MSRA: variants seen among roughly 807,000 people sequenced by gnomAD.
MSRA encodes the protein methionine sulfoxide reductase A, also known as mitochondrial peptide methionine sulfoxide reductase.
A neutral mutation model predicts 31.3 loss-of-function variants in MSRA; 54 were observed. The ratio of observed to expected loss-of-function variants is 1.73; its 90% CI spans 1.39 to 2.17. The LOEUF is 2.17. MSRA is among the 30% of genes most tolerant of loss of function. The probability of loss-of-function intolerance (pLI) is 0.00; values close to 1 mark genes in which losing one functional copy is unlikely to be tolerated. For missense variants in MSRA, 507 were observed against 300.9 expected (o/e 1.69, Z -5.07); for synonymous variants, 169 against 116.5 (o/e 1.45, Z -2.90).
intron 1 of MSRA, among the ~76,000 whole-genome samples, chr8:10,073,185 G>C (rs548104662): frequency 1.3e-5 from 2 of 151,950 alleles, no homozygotes; most frequent in Admixed American, 1.3e-4. Context: ...TGCTTACTTT[G>C]TATCTATCTT....
At chr8:10,386,872 T>TA (rs61367767) in intron 5 of MSRA, among the ~76,000 whole-genome samples, 34,408 of 132,824 alleles carry the variant, frequency 0.26, 4,602 homozygotes, top group Non-Finnish European at 0.31. Flanking sequence ...GTGGATTATT[T>TA]AAAAAAAAAA....
intron 2 of MSRA, among the ~76,000 whole-genome samples, chr8:10,238,945 TAAGTG>T (rs1430147148): frequency 1.3e-4 from 20 of 152,062 alleles, no homozygotes; most frequent in Non-Finnish European, 2.4e-4. Context: ...ACAATAGACA[TAAGTG>T]AAGGGAAAAG....
chr8:10,124,334 A>G (rs1329476198), intron 1 of MSRA, among the ~76,000 whole-genome samples: 1 of 152,202 alleles, frequency 6.6e-6, no homozygotes, highest in African/African-American at 2.4e-5. Flanking sequence ...TGGGCCTCAA[A>G]GGGCTTTTCC....
intron 1 of MSRA, among the ~76,000 whole-genome samples, chr8:10,188,359 G>A (rs1255945903): frequency 2.0e-5 from 3 of 152,138 alleles, no homozygotes; most frequent in Non-Finnish European, 2.9e-5. Flanking sequence ...TCATGTTATC[G>A]TTTAACAGTC....
intron 3 of MSRA, among the ~76,000 whole-genome samples, chr8:10,288,476 G>A (rs922403584): frequency 1.3e-5 from 2 of 152,166 alleles, no homozygotes; most frequent in Admixed American, 6.5e-5. Context: ...CGATTATAAA[G>A]TTCTTAAGCC....
At chr8:10,144,578 G>C (rs943420388) in intron 1 of MSRA, among the ~76,000 whole-genome samples, 1 of 152,180 alleles carries the variant, frequency 6.6e-6, no homozygotes, top group Admixed American at 6.5e-5. Flanking sequence ...CCAGTAAGGT[G>C]TTGAAAACAG....
At chr8:10,307,918 A>G (rs1801227583) in intron 4 of MSRA, among the ~76,000 whole-genome samples, 2 of 152,190 alleles carry the variant, frequency 1.3e-5, no homozygotes, top group African/African-American at 2.4e-5. Context: ...CCACATGTCT[A>G]AATTCTGACT....
At chr8:10,243,175 C>T (rs2129081069) in intron 2 of MSRA, among the ~76,000 whole-genome samples, 1 of 152,272 alleles carries the variant, frequency 6.6e-6, no homozygotes, top group East Asian at 1.9e-4. Flanking sequence ...TTGAAGGATT[C>T]TGGTGCTCTC....
Position 10,165,337 on chromosome 8 carries a change from C to CT in MSRA, c.143-42489dup, listed in dbSNP as rs1224244659. On this transcript the variant is annotated intron_variant, in intron 1 of 5. Coordinates refer to ENST00000317173, the MANE Select transcript of MSRA (RefSeq NM_012331.5). ...TTTCTCTGGCTTAAGTGCTTCTATT[C>CT]TTTTTTTAAAAAACAAACAAACAAA... 2.0e-5 allele frequency among the ~76,000 whole-genome samples: 3 copies of CT among 151,582 alleles called. No individual in the cohort carries two copies. The East Asian group carries it at 5.8e-4, about 29-fold the overall frequency.
chr8:10,171,652 C>A (rs981045433), intron 1 of MSRA, among the ~76,000 whole-genome samples: 1 of 152,156 alleles, frequency 6.6e-6, no homozygotes, highest in Admixed American at 6.5e-5. Context: ...ACGGACTTAC[C>A]CAGTTAATTA....
At chr8:10,241,097 C>G (rs1332397056) in intron 2 of MSRA, among the ~76,000 whole-genome samples, 1 of 152,094 alleles carries the variant, frequency 6.6e-6, no homozygotes, top group Non-Finnish European at 1.5e-5. Flanking sequence ...TGGGACTTAC[C>G]TTTTGATGGG....
At chr8:10,211,028 A>T (rs1399514423) in intron 2 of MSRA, among the ~76,000 whole-genome samples, 2 of 151,948 alleles carry the variant, frequency 1.3e-5, no homozygotes, top group African/African-American at 4.8e-5. Flanking sequence ...GAGTCATCGC[A>T]CCCGGCCACA....
At chr8:10,276,393 T>G (rs1309608930) in intron 3 of MSRA, among the ~76,000 whole-genome samples, 5 of 152,218 alleles carry the variant, frequency 3.3e-5, no homozygotes. Context: ...GCAGTTTTGG[T>G]TGCATCCTGA....
intron 1 of MSRA, among the ~76,000 whole-genome samples, chr8:10,078,957 G>C (rs1346694839): frequency 6.6e-6 from 1 of 152,178 alleles, no homozygotes; most frequent in East Asian, 1.9e-4. Context: ...CTTTTCATGT[G>C]AGCCACACTT....
chr8:10,347,239 A>T (rs1405364477), intron 5 of MSRA, among the ~76,000 whole-genome samples: 1 of 152,164 alleles, frequency 6.6e-6, no homozygotes, highest in Admixed American at 6.5e-5. Context: ...GTAAATACCG[A>T]TTAAACAAAT....
chr8:10,055,020 G>A (rs1335093047), intron 1 of MSRA, among the ~76,000 whole-genome samples: 1 of 152,210 alleles, frequency 6.6e-6, no homozygotes, highest in East Asian at 1.9e-4. Context: ...CTGTGCCTGC[G>A]CCCTCCTTTC....
At chr8:10,103,987 C>G (rs1799705452) in intron 1 of MSRA, among the ~76,000 whole-genome samples, 1 of 152,080 alleles carries the variant, frequency 6.6e-6, no homozygotes, top group Non-Finnish European at 1.5e-5. Flanking sequence ...TGTTTAAAAA[C>G]TTTGATAAAA....
intron 1 of MSRA, among the ~76,000 whole-genome samples, chr8:10,139,051 A>T (rs967630494): frequency 2.0e-5 from 3 of 152,164 alleles, no homozygotes; most frequent in Non-Finnish European, 2.9e-5. Flanking sequence ...AGATTCTGTT[A>T]TTTTAAAGGC....
chr8:10,070,380 A>G (rs918430428), intron 1 of MSRA, among the ~76,000 whole-genome samples: 2 of 152,212 alleles, frequency 1.3e-5, no homozygotes, highest in African/African-American at 4.8e-5. Flanking sequence ...GTTGGCAAAT[A>G]ATAGCCCACA....
Sources: gnomAD v4.1 joint callset for allele counts (sites outside exome capture counted in the v4.1 genomes callset) on GRCh38, gnomAD v4.1.1 for gene constraint, MANE v1.5 for transcripts, NCBI Gene and HGNC (gene_info 2026-07-23, HGNC 2026-07-21) for gene names.